The following NRXN1 variants were observed in gnomAD, a reference collection of about 807,000 sequenced individuals.
NRXN1 encodes neurexin 1.
A neutral mutation model predicts 150.9 loss-of-function variants in NRXN1; 39 were observed. The ratio of observed to expected loss-of-function variants is 0.26; its 90% CI spans 0.20 to 0.34. The LOEUF (loss-of-function observed/expected upper bound fraction) is 0.34. NRXN1 is among the 10% of genes least tolerant of loss of function. The pLI, the probability that NRXN1 is intolerant of heterozygous loss-of-function variation, is 1.00. For synonymous variants in NRXN1, 924 were observed against 757.0 expected, an observed-to-expected ratio of 1.22 and a Z score of -3.62; for missense variants, 1,815 against 1,949.9, an observed-to-expected ratio of 0.93 and a Z score of 1.30.
chr2:50,012,991 G>A (rs1685961390), intron 21 of NRXN1, among the ~76,000 whole-genome samples: 1 of 151,976 alleles, frequency 6.6e-6, no homozygotes, highest in Admixed American at 6.6e-5. Flanking sequence ...TTTTGTGGGG[G>A]AGAAACCCTA....
At chr2:50,110,856 C>T (rs1323067214) in intron 18 of NRXN1, among the ~76,000 whole-genome samples, 4 of 151,958 alleles carry the variant, frequency 2.6e-5, no homozygotes, top group African/African-American at 9.7e-5. Flanking sequence ...TCTATTGTTC[C>T]CCTATTGAAA....
intron 21 of NRXN1, among the ~76,000 whole-genome samples, chr2:50,046,849 T>G (rs919814188): frequency 3.9e-5 from 6 of 152,196 alleles, no homozygotes; most frequent in Admixed American, 6.5e-5. Flanking sequence ...CTGATCATGT[T>G]AGGTGTCCAG....
At chr2:50,619,419 A>G (rs1387102011) in intron 8 of NRXN1, 1 of 152,448 alleles carries the variant, frequency 6.6e-6, no homozygotes, top group African/African-American at 2.4e-5. Flanking sequence ...ATACACAACT[A>G]CAGCTGATAA....
At chr2:50,455,970 A>G (rs1438009817) in intron 17 of NRXN1, among the ~76,000 whole-genome samples, 1 of 152,200 alleles carries the variant, frequency 6.6e-6, no homozygotes, top group Non-Finnish European at 1.5e-5. Flanking sequence ...AAAGCTTCCA[A>G]ATAGAACTGC....
At chr2:50,402,510 C>T (rs1306491126) in intron 17 of NRXN1, among the ~76,000 whole-genome samples, 2 of 152,036 alleles carry the variant, frequency 1.3e-5, no homozygotes, top group South Asian at 2.1e-4. Flanking sequence ...AAACGGTAAT[C>T]AGCAAGTAAA....
At chr2:49,922,563 A>C (rs953756331) in intron 22 of NRXN1, among the ~76,000 whole-genome samples, 1 of 152,174 alleles carries the variant, frequency 6.6e-6, no homozygotes, top group Non-Finnish European at 1.5e-5. Context: ...TAAGTAAAAA[A>C]AACCCACAAA....
rs1451613972 is a variant in NRXN1, at chr2:50,475,873, T to TA, written c.3071-3403_3071-3402insT. Among the ~76,000 whole-genome samples, 8 of 95,874 alleles carry TA rather than the reference T, an allele frequency of 8.3e-5. No individual in the cohort carries two copies. In the East Asian group the frequency reaches 1.6e-3, roughly 19 times the overall value. 62.9% of individuals were successfully genotyped at this position (95,874 alleles called of 152,430 possible). On this transcript the variant is annotated intron_variant, in intron 15 of 22. Coordinates refer to ENST00000401669, the MANE Select transcript of NRXN1 (RefSeq NM_001330078.2). The stretch of plus-strand genomic sequence containing the variant: ...CTTTTTGATCCTTGAAGTGACGGGT[T>TA]TAAAAAAAAAAAATGACCCATTAGC...
intron 13 of NRXN1, among the ~76,000 whole-genome samples, 174 bp downstream of exon 13, chr2:50,506,321 A>G (rs1389439257): frequency 2.0e-5 from 3 of 152,158 alleles, no homozygotes; most frequent in Admixed American, 6.6e-5. Flanking sequence ...TTTGAGGAAA[A>G]ACACCTAACA....
At chr2:49,930,750 C>A (rs993170935) in intron 22 of NRXN1, among the ~76,000 whole-genome samples, 1 of 152,162 alleles carries the variant, frequency 6.6e-6, no homozygotes, top group Non-Finnish European at 1.5e-5. Context: ...ATTGAACACA[C>A]TGGCTGAAAA....
At chr2:50,377,825 G>C (rs556168248) in intron 17 of NRXN1, among the ~76,000 whole-genome samples, 196 of 152,296 alleles carry the variant, frequency 1.3e-3, no homozygotes, top group African/African-American at 4.4e-3. Context: ...AAGGAGCTGA[G>C]TGGTTGAATC....
intron 21 of NRXN1, among the ~76,000 whole-genome samples, chr2:49,990,088 C>G (rs1681654091): frequency 6.6e-6 from 1 of 150,696 alleles, no homozygotes; most frequent in African/African-American, 2.4e-5. Context: ...ATGCAACCAG[C>G]CAAGCAATAA....
At chr2:50,569,088 A>C in intron 8 of NRXN1, among the ~76,000 whole-genome samples, 1 of 152,150 alleles carries the variant, frequency 6.6e-6, no homozygotes, top group East Asian at 1.9e-4. Context: ...GGGAGCTAAA[A>C]GTTAAAACAA....
chr2:50,103,712 G>A (rs1368569353), intron 18 of NRXN1, among the ~76,000 whole-genome samples: 1 of 151,998 alleles, frequency 6.6e-6, no homozygotes, highest in East Asian at 1.9e-4. Context: ...CTTCTCCAGA[G>A]CAGTAACCAC....
At chr2:50,094,497 T>A (rs1175091568) in intron 18 of NRXN1, among the ~76,000 whole-genome samples, 3 of 152,166 alleles carry the variant, frequency 2.0e-5, no homozygotes, top group African/African-American at 7.2e-5. Flanking sequence ...CTTCTGGGAC[T>A]TGGTGGGTGG....
chr2:50,592,800 T>G (rs1674506863), intron 8 of NRXN1, among the ~76,000 whole-genome samples: 1 of 152,172 alleles, frequency 6.6e-6, no homozygotes, highest in African/African-American at 2.4e-5. Context: ...TTTGAGTATG[T>G]GGTTAGCGAA....
intron 17 of NRXN1, among the ~76,000 whole-genome samples, chr2:50,410,890 C>A (rs1019169539): frequency 2.6e-5 from 4 of 152,174 alleles, no homozygotes; most frequent in African/African-American, 9.7e-5. Context: ...AAGTTCCTAG[C>A]TTAAATAAAT....
chr2:50,601,383 G>T (rs1039406360), intron 8 of NRXN1, among the ~76,000 whole-genome samples: 2 of 152,158 alleles, frequency 1.3e-5, no homozygotes, highest in African/African-American at 2.4e-5. Context: ...AGTATAATAC[G>T]TGGTTTGACA....
At position 50,552,669 on chromosome 2, in the gene NRXN1, A is replaced by G. The variant is rs777210015; in HGVS notation, c.1677T>C (p.Gly559=). ...HLYLLLDMGS[G]TIKIKALLKK... ...TCAACAGGGCTTTTATTTTTATAGT[A>G]CCTGACCCCATGTCCAGGAGGAGGT... Residue 559 remains glycine (G), a synonymous_variant, in exon 9 of 23, where the codon GGT becomes GGC. Coordinates refer to ENST00000401669, the MANE Select transcript of NRXN1 (RefSeq NM_001330078.2). The G allele has an allele frequency of 1.9e-6, 3 of 1,613,764 alleles. No individual in the cohort carries two copies. Among genetic ancestry groups the G allele is most frequent in the Admixed American group, 3.3e-5 (2 of 60,012 alleles).
intron 8 of NRXN1, among the ~76,000 whole-genome samples, chr2:50,594,936 G>C (rs1033968974): frequency 6.6e-6 from 1 of 151,172 alleles, no homozygotes; most frequent in African/African-American, 2.4e-5. Flanking sequence ...TGTGTCTTTT[G>C]TCCACGGTAC....
Sources: gnomAD v4.1 joint callset for allele counts (sites outside exome capture counted in the v4.1 genomes callset) on GRCh38, gnomAD v4.1.1 for gene constraint, MANE v1.5 for transcripts, NCBI Gene and HGNC (gene_info 2026-07-23, HGNC 2026-07-21) for gene names.